Variants in UBE2E3 observed in about 807,000 individuals in gnomAD.
UBE2E3 encodes ubiquitin-conjugating enzyme E2 E3.
Under a neutral mutation model 23.6 loss-of-function variants are expected in UBE2E3, and 5 were observed. The ratio of observed to expected loss-of-function variants is 0.21; its 90% CI spans 0.11 to 0.44. UBE2E3 has a LOEUF of 0.44. Ranked by LOEUF, UBE2E3 falls within the 20% of genes least tolerant of loss-of-function variation. The pLI, the probability that UBE2E3 is intolerant of heterozygous loss-of-function variation, is 0.99. For synonymous variants in UBE2E3, 78 were observed against 87.5 expected, an observed-to-expected ratio of 0.89 and a Z score of 0.60; for missense variants, 81 against 249.8, an observed-to-expected ratio of 0.32 and a Z score of 4.55.
At position 181,022,345 on chromosome 2, in the gene UBE2E3, G is replaced by A. The variant is rs572382370; in HGVS notation, c.246-35348G>A. ...GTTGATTTTCATTATTCTCGGTGGT[G>A]TTATGTTCCATAAAGTTGTCAAACA... is the stretch of plus-strand genomic sequence containing the variant. On this transcript the variant is annotated intron_variant, in intron 3 of 5. Coordinates refer to ENST00000410062, the MANE Select transcript of UBE2E3 (RefSeq NM_006357.4). Among the ~76,000 whole-genome samples the A allele has an allele frequency of 8.7e-5, 13 of 149,640 alleles. 1 individual carries two copies. The highest frequency in any genetic ancestry group is 2.0e-4 in the African/African-American group (8 of 40,644).
chr2:181,042,270 G>A (rs1230426531), intron 3 of UBE2E3, among the ~76,000 whole-genome samples: 1 of 152,106 alleles, frequency 6.6e-6, no homozygotes, highest in African/African-American at 2.4e-5. Context: ...TTAATTCAAG[G>A]GTATTGTGAA....
chr2:181,014,872 G>A (rs1230478816), intron 3 of UBE2E3, among the ~76,000 whole-genome samples: 1 of 152,036 alleles, frequency 6.6e-6, no homozygotes, highest in African/African-American at 2.4e-5. Flanking sequence ...TTCTCTTCGA[G>A]CTACTTTGAA....
At chr2:180,987,544 G>A in intron 3 of UBE2E3, 2 of 915,430 alleles carry the variant, frequency 2.2e-6, no homozygotes, top group East Asian at 5.4e-5. Context: ...TCTTGATGTG[G>A]GAAAGGCCAT....
intron 3 of UBE2E3, among the ~76,000 whole-genome samples, chr2:181,042,882 A>G (rs1686557873): frequency 6.6e-6 from 1 of 152,226 alleles, no homozygotes; most frequent in South Asian, 2.1e-4. Context: ...TAATTTGCAC[A>G]ACGTCACACA....
chr2:181,062,474 T>C (rs1687188670), intron 5 of UBE2E3, among the ~76,000 whole-genome samples: 1 of 151,690 alleles, frequency 6.6e-6, no homozygotes, highest in Non-Finnish European at 1.5e-5. Context: ...AACCACCTAG[T>C]ATACTTCCAT....
At chr2:180,990,632 C>T (rs1318386665) in intron 3 of UBE2E3, among the ~76,000 whole-genome samples, 1 of 152,198 alleles carries the variant, frequency 6.6e-6, no homozygotes, top group Non-Finnish European at 1.5e-5. Flanking sequence ...GCCAGAAATG[C>T]TTACAGCAGT....
At chr2:181,008,245 T>A (rs929374547) in intron 3 of UBE2E3, among the ~76,000 whole-genome samples, 7 of 152,248 alleles carry the variant, frequency 4.6e-5, no homozygotes, top group Non-Finnish European at 8.8e-5. Flanking sequence ...GTGCAAATAA[T>A]TCTGCTAATA....
At chr2:181,038,457 C>CT (rs1224565485) in intron 3 of UBE2E3, among the ~76,000 whole-genome samples, 9 of 152,102 alleles carry the variant, frequency 5.9e-5, no homozygotes, top group African/African-American at 2.2e-4. Flanking sequence ...TGACACATGA[C>CT]CATACAAAAA....
chr2:180,980,844 T>G lies in UBE2E3; in HGVS notation c.-155T>G, dbSNP rs1684255655. Reference sequence around the variant, plus strand: ...TCCACACTCCCCGGCCAGAGCCTCCTCGGCTTCTTTTTTTCCCTCCCCCCC... The same window carrying G: ...TCCACACTCCCCGGCCAGAGCCTCCGCGGCTTCTTTTTTTCCCTCCCCCCC... On this transcript the variant is annotated 5_prime_UTR_variant, in exon 1 of 6. Coordinates refer to ENST00000410062, the MANE Select transcript of UBE2E3 (RefSeq NM_006357.4). This position sits in a 1 kb window ranked among gnomAD's most constrained non-coding sequence, Gnocchi z 5.5. The G allele has an allele frequency of 1.3e-5, 2 of 148,504 alleles. No homozygotes were observed. The highest frequency in any genetic ancestry group is 6.7e-5 in the Admixed American group (1 of 15,004). The allele number at this position is 148,504 out of a possible 1,614,324, so 9.2% of individuals were successfully genotyped here.
At position 181,061,108 on chromosome 2, in the gene UBE2E3, T is replaced by G. The variant is rs927729364; in HGVS notation, c.526+296T>G. Among the ~76,000 whole-genome samples, 5 of 51,192 alleles carry G rather than the reference T, an allele frequency of 9.8e-5. 2 individuals are homozygous for G. The highest frequency in any genetic ancestry group is 1.7e-4 in the Non-Finnish European group (5 of 28,810). The allele number at this position is 51,192 out of a possible 152,430, so 33.6% of individuals were successfully genotyped here. ...AAAGTATTTAGGTGCACAGACCACT[T>G]CTTTTTTTTTTTTTTTTTTTTTTTT... is the stretch of plus-strand genomic sequence containing the variant. On this transcript the variant is annotated intron_variant, in intron 5 of 5. Coordinates refer to ENST00000410062, the MANE Select transcript of UBE2E3 (RefSeq NM_006357.4).
chr2:180,991,397 A>T (rs1684655792), intron 3 of UBE2E3, among the ~76,000 whole-genome samples: 1 of 152,214 alleles, frequency 6.6e-6, no homozygotes, highest in Non-Finnish European at 1.5e-5. Context: ...GGCATATCCA[A>T]ACTGCCAGCA....
chr2:180,984,277 A>G (rs1047763149), intron 3 of UBE2E3, among the ~76,000 whole-genome samples, 184 bp downstream of exon 3: 1 of 152,212 alleles, frequency 6.6e-6, no homozygotes, highest in Non-Finnish European at 1.5e-5. Flanking sequence ...ACTTTTTAGC[A>G]TAAGTATACA....
At chr2:181,058,076 A>G (rs1181272562) in intron 4 of UBE2E3, among the ~76,000 whole-genome samples, 1 of 151,796 alleles carries the variant, frequency 6.6e-6, no homozygotes, top group Non-Finnish European at 1.5e-5. Context: ...TAAAGCAGAT[A>G]AATTTTATGC....
chr2:181,009,237 G>A (rs1281371172), intron 3 of UBE2E3, among the ~76,000 whole-genome samples: 4 of 151,984 alleles, frequency 2.6e-5, no homozygotes, highest in Non-Finnish European at 5.9e-5. Flanking sequence ...TATTTTTGAT[G>A]CTAAGAGATT....
chr2:181,021,550 T>C (rs1183122228), intron 3 of UBE2E3, among the ~76,000 whole-genome samples: 10 of 59,624 alleles, frequency 1.7e-4, no homozygotes, highest in Non-Finnish European at 3.2e-4. Context: ...CTTTTAAATA[T>C]ACTCCCTTCC....
chr2:180,988,369 C>G (rs898686292), intron 3 of UBE2E3, among the ~76,000 whole-genome samples: 2 of 151,830 alleles, frequency 1.3e-5, no homozygotes, highest in Non-Finnish European at 2.9e-5. Context: ...TAGGAACTTG[C>G]GTAAAAAAGA....
Position 181,018,362 on chromosome 2 carries a change from G to C in UBE2E3, c.245+34269G>C, listed in dbSNP as rs146796628. Among the ~76,000 whole-genome samples, 321 of 140,936 alleles carry C rather than the reference G, an allele frequency of 2.3e-3. 1 individual carries two copies. Among genetic ancestry groups the C allele is most frequent in the Admixed American group, 4.5e-3 (64 of 14,358 alleles). The allele number at this position is 140,936 out of a possible 152,430, so 92.5% of individuals were successfully genotyped here. ...ACATGTGTTTAATATTTTTATCTCTGTGTGTGTGTATATATATATATATAT... is the reference window on the plus strand; with the variant it reads ...ACATGTGTTTAATATTTTTATCTCTCTGTGTGTGTATATATATATATATAT... On this transcript the variant is annotated intron_variant, in intron 3 of 5. Transcript: ENST00000410062.
At chr2:181,031,453 T>C (rs1465191257) in intron 3 of UBE2E3, among the ~76,000 whole-genome samples, 1 of 152,172 alleles carries the variant, frequency 6.6e-6, no homozygotes, top group Non-Finnish European at 1.5e-5. Context: ...TTCAGTAGCA[T>C]ATATTTTTAC....
rs535242322 is a variant in UBE2E3 at position 181,026,687 on chromosome 2, C to T, written c.246-31006C>T. ...GGCCCTTTCGTGTATGAGATTTGTT[C>T]CGCCATTACTTCAGGTAGATTTCAT... On this transcript the variant is annotated intron_variant, in intron 3 of 5. Transcript: ENST00000410062. 1.1e-3 allele frequency among the ~76,000 whole-genome samples: 174 copies of T among 151,812 alleles called. 1 individual carries two copies. Among genetic ancestry groups the T allele is most frequent in the South Asian group, 1.2e-3 (6 of 4,818 alleles).
Sources: allele counts gnomAD v4.1 joint callset (sites outside exome capture counted in the v4.1 genomes callset), GRCh38; gene constraint gnomAD v4.1.1; non-coding constraint Gnocchi (gnomAD v3.1); transcripts MANE v1.5; gene names NCBI Gene and HGNC (gene_info 2026-07-23, HGNC 2026-07-21).